The following RFX3 variants were observed in gnomAD, a reference collection of about 807,000 sequenced individuals.
RFX3 encodes transcription factor RFX3.
RFX3 carries 14 observed loss-of-function variants against 98.6 expected under a neutral mutation model. That is an observed-to-expected ratio of 0.14 (90% confidence interval 0.09 to 0.22). RFX3 has a LOEUF of 0.22. Ranked by LOEUF, RFX3 falls within the 10% of genes least tolerant of loss-of-function variation. The probability of loss-of-function intolerance (pLI) is 1.00; values close to 1 mark genes in which losing one functional copy is unlikely to be tolerated. For missense variants in RFX3, 639 were observed against 926.9 expected (o/e 0.69, Z 4.03); for synonymous variants, 383 against 328.4 (o/e 1.17, Z -1.80).
At chr9:3,506,205 GTT>G (rs1205032050) in intron 1 of RFX3, among the ~76,000 whole-genome samples, 3 of 139,106 alleles carry the variant, frequency 2.2e-5, no homozygotes, top group East Asian at 4.2e-4. Flanking sequence ...AAGGACAACT[GTT>G]TTTTTTTTTT....
chr9:3,516,173 C>T lies in RFX3; in HGVS notation c.-9+9574G>A, dbSNP rs373654313. On this transcript the variant is annotated intron_variant, in intron 1 of 16. Coordinates refer to ENST00000617270, the MANE Select transcript of RFX3 (RefSeq NM_001282116.2). The stretch of plus-strand genomic sequence containing the variant: ...ACACCATTCTCTCACCTCAGCCTCC[C>T]GAGTAGCTAGGACTACAGGCGCCCG... Among the ~76,000 whole-genome samples, 11 of 152,160 alleles carry T rather than the reference C, an allele frequency of 7.2e-5. No homozygotes were observed. The South Asian group carries it at 1.0e-3, about 14-fold the overall frequency.
chr9:3,242,976 A>C (rs1350201696), intron 15 of RFX3, among the ~76,000 whole-genome samples: 1 of 151,976 alleles, frequency 6.6e-6, no homozygotes, highest in East Asian at 1.9e-4. Context: ...GTTTGTAACA[A>C]AATCATTTTA....
chr9:3,331,861 T>G (rs190106391), intron 3 of RFX3, among the ~76,000 whole-genome samples: 1 of 152,302 alleles, frequency 6.6e-6, no homozygotes, highest in Admixed American at 6.5e-5. Flanking sequence ...AGTTATACTT[T>G]AAGAATATTA....
In RFX3 at chr9:3,325,506, C is replaced by T. The variant is rs576771004; in HGVS notation, c.474+4753G>A. On this transcript the variant is annotated intron_variant, in intron 4 of 16. Coordinates refer to ENST00000617270, the MANE Select transcript of RFX3 (RefSeq NM_001282116.2). Reference sequence around the variant, plus strand: ...GCTGGGATCTAATGTTAGCAACAGCCCATTTAAATGTATATACATAAAGGT... The same window carrying T: ...GCTGGGATCTAATGTTAGCAACAGCTCATTTAAATGTATATACATAAAGGT... Among the ~76,000 whole-genome samples, 3 of 151,868 alleles carry T rather than the reference C, an allele frequency of 2.0e-5. No homozygotes were observed. The South Asian group carries it at 6.2e-4, about 32-fold the overall frequency.
intron 1 of RFX3, among the ~76,000 whole-genome samples, chr9:3,460,897 G>A (rs1019522628): frequency 1.3e-5 from 2 of 151,760 alleles, no homozygotes; most frequent in Non-Finnish European, 3.0e-5. Flanking sequence ...ATATGTAACA[G>A]AGAACTACAA....
chr9:3,375,588 C>T (rs768004569), intron 2 of RFX3, among the ~76,000 whole-genome samples: 2 of 152,094 alleles, frequency 1.3e-5, no homozygotes, highest in Admixed American at 6.6e-5. Flanking sequence ...TTATTTTATT[C>T]TTGCTTTCCT....
intron 2 of RFX3, among the ~76,000 whole-genome samples, chr9:3,358,016 C>A (rs1835977080): frequency 1.3e-5 from 2 of 151,984 alleles, no homozygotes; most frequent in Non-Finnish European, 2.9e-5. Context: ...AGATTCTCAA[C>A]TGGTTTTCTT....
chr9:3,227,616 T>C (rs893839582), intron 16 of RFX3, among the ~76,000 whole-genome samples: 4 of 152,206 alleles, frequency 2.6e-5, no homozygotes, highest in African/African-American at 7.2e-5. Flanking sequence ...AACTCTACTG[T>C]CCTTCTGGAC....
At chr9:3,516,826 C>T (rs183429889) in intron 1 of RFX3, among the ~76,000 whole-genome samples, 1 of 152,210 alleles carries the variant, frequency 6.6e-6, no homozygotes, top group East Asian at 1.9e-4. Context: ...ACAGGAGGAG[C>T]CCCAAATGTC....
At position 3,234,601 on chromosome 9, in the gene RFX3, T is replaced by A. The variant is rs376253552; in HGVS notation, c.1969-5712A>T. ...CTGCAGTGAACTGTGATCGTGCCAC[T>A]GTACTCCAGCCTGGGTGACAGAGCA... On this transcript the variant is annotated intron_variant, in intron 15 of 16. Transcript: ENST00000617270. Among the ~76,000 whole-genome samples the A allele has an allele frequency of 1.8e-3, 267 of 152,300 alleles. No individual in the cohort carries two copies. In the South Asian group the frequency reaches 0.024, roughly 14 times the overall value.
At chr9:3,432,924 G>C (rs939326132) in intron 1 of RFX3, among the ~76,000 whole-genome samples, 1 of 152,118 alleles carries the variant, frequency 6.6e-6, no homozygotes, top group Non-Finnish European at 1.5e-5. Flanking sequence ...AAAAAAGTCA[G>C]ATACAAATTA....
intron 1 of RFX3, among the ~76,000 whole-genome samples, chr9:3,423,120 G>A (rs1301333181): frequency 2.6e-5 from 4 of 152,042 alleles, no homozygotes; most frequent in Non-Finnish European, 4.4e-5. Context: ...CCAAACATAT[G>A]CTGAGAATTC....
rs543372149 is a variant in RFX3 at position 3,434,497 on chromosome 9, C to A, written c.-8-38901G>T. On this transcript the variant is annotated intron_variant, in intron 1 of 16. Transcript: ENST00000617270. ...AAAGCTAGTTGTTGACAAATTCATC[C>A]TAAATTCTTCTACTATGTTCCTCCA... is the stretch of plus-strand genomic sequence containing the variant. Among the ~76,000 whole-genome samples, 7 of 152,190 alleles carry A rather than the reference C, an allele frequency of 4.6e-5. No individual in the cohort carries two copies. The South Asian group carries it at 1.5e-3, about 32-fold the overall frequency.
chr9:3,393,154 G>A (rs1054195025), intron 2 of RFX3, among the ~76,000 whole-genome samples: 5 of 152,060 alleles, frequency 3.3e-5, no homozygotes, highest in African/African-American at 1.2e-4. Flanking sequence ...AAAAATCAAG[G>A]TGCAGTAAAA....
At position 3,433,563 on chromosome 9, in the gene RFX3, C is replaced by A. The variant is rs780243334; in HGVS notation, c.-8-37967G>T. ...TGAGGGAGTCAAAAGTTATAGCTAG[C>A]TTCTGACTGTGCTTGGGTGGGGGTG... On this transcript the variant is annotated intron_variant, in intron 1 of 16. Coordinates refer to ENST00000617270, the MANE Select transcript of RFX3 (RefSeq NM_001282116.2). Among the ~76,000 whole-genome samples, 9 of 152,304 alleles carry A rather than the reference C, an allele frequency of 5.9e-5. No homozygotes were observed. The South Asian group carries it at 8.3e-4, about 14-fold the overall frequency.
chr9:3,414,563 G>A lies in RFX3; in HGVS notation c.-8-18967C>T, dbSNP rs987251579. On this transcript the variant is annotated intron_variant, in intron 1 of 16. Coordinates refer to ENST00000617270, the MANE Select transcript of RFX3 (RefSeq NM_001282116.2). ...TATATATGAGTGTGTATATATATAT[G>A]CTAGTGGTATCTACTGCAATGTGGT... Among the ~76,000 whole-genome samples, 11 of 148,876 alleles carry A rather than the reference G, an allele frequency of 7.4e-5. No homozygotes were observed. The East Asian group carries it at 2.0e-3, about 27-fold the overall frequency.
intron 12 of RFX3, among the ~76,000 whole-genome samples, chr9:3,263,424 C>CT (rs1036349297): frequency 3.0e-4 from 46 of 151,788 alleles, no homozygotes; most frequent in Non-Finnish European, 4.0e-4. Context: ...GTTTTCATTT[C>CT]TTTTTTTTAC....
At position 3,355,513 on chromosome 9, in the gene RFX3, C is replaced by A. The variant is rs140123405; in HGVS notation, c.118-8749G>T. Among the ~76,000 whole-genome samples, 5 of 151,896 alleles carry A rather than the reference C, an allele frequency of 3.3e-5. No homozygotes were observed. In the South Asian group the frequency reaches 6.2e-4, roughly 19 times the overall value. ...TCAAGAAATAATAAATCCTACATGT[C>A]TTTGCTCCTAAAGACAGAGTTTCAG... On this transcript the variant is annotated intron_variant, in intron 2 of 16. Transcript: ENST00000617270.
At chr9:3,513,061 G>C (rs1817800744) in intron 1 of RFX3, among the ~76,000 whole-genome samples, 1 of 151,974 alleles carries the variant, frequency 6.6e-6, no homozygotes, top group African/African-American at 2.4e-5. Flanking sequence ...AAACTCAATG[G>C]AAATCTAAGT....
Sources: allele counts gnomAD v4.1 joint callset (sites outside exome capture counted in the v4.1 genomes callset), GRCh38; gene constraint gnomAD v4.1.1; transcripts MANE v1.5; gene names NCBI Gene and HGNC (gene_info 2026-07-23, HGNC 2026-07-21).